MFNG: variants seen among roughly 807,000 people sequenced by gnomAD.
MFNG encodes MFNG O-fucosylpeptide 3-beta-N-acetylglucosaminyltransferase.
Under a neutral mutation model 34.2 loss-of-function variants are expected in MFNG, and 24 were observed. The observed-to-expected ratio is 0.70, with a 90% CI of 0.51 to 0.99. The LOEUF is 0.99. Ranked by LOEUF, MFNG falls within the 50% of genes least tolerant of loss-of-function variation. The probability of loss-of-function intolerance (pLI) is 0.00; values close to 1 mark genes in which losing one functional copy is unlikely to be tolerated. For synonymous variants in MFNG, 158 were observed against 179.2 expected, an observed-to-expected ratio of 0.88 and a Z score of 0.94; for missense variants, 383 against 424.0, an observed-to-expected ratio of 0.90 and a Z score of 0.85.
In MFNG at chr22:37,480,733, G is replaced by A; in HGVS notation, c.292C>T (p.Gln98Ter). Residue 98 changes from glutamine to a stop codon, truncating the protein, a stop_gained, in exon 2 of 8, where the codon CAG (glutamine) becomes TAG (stop). Coordinates refer to ENST00000356998, the MANE Select transcript of MFNG (RefSeq NM_002405.4). LOFTEE classifies it high-confidence loss of function. ...VFTDSPDKGLQERLGSHLVVT... is the reference protein window; with the variant it reads ...VFTDSPDKGL The stretch of plus-strand genomic sequence containing the variant: ...CGGGCAGAGTTACCCAGTCTCTCCT[G>A]GAGGCCTTTGTCTGGGCTGTCGGTG... The A allele has an allele frequency of 4.3e-6, 7 of 1,613,666 alleles. No individual in the cohort carries two copies. The highest frequency in any genetic ancestry group is 5.1e-6 in the Non-Finnish European group (6 of 1,179,790).
chr22:37,485,845 C>G lies in MFNG; in HGVS notation c.255+78G>C. Reference sequence around the variant, plus strand: ...CTTCTCCCATGAGGCAGTCAGGGACCCCAGCCCAGTAGAAAGGCCTCTGAG... The same window carrying G: ...CTTCTCCCATGAGGCAGTCAGGGACGCCAGCCCAGTAGAAAGGCCTCTGAG... On this transcript the variant is annotated intron_variant, in intron 1 of 7. Transcript: ENST00000356998. The surrounding 1 kb of genome is among the most constrained non-coding windows in gnomAD (Gnocchi z 5.3). 6.6e-7 allele frequency: 1 copy of G among 1,508,568 alleles called. No individual in the cohort carries two copies. Among genetic ancestry groups the G allele is most frequent in the South Asian group, 1.3e-5 (1 of 77,034 alleles). 93.4% of individuals were successfully genotyped at this position (1,508,568 alleles called of 1,614,324 possible). A position where few individuals can be genotyped will look rare whatever the true frequency, so the allele number is the denominator to read the frequency against.
chr22:37,472,016 TAA>T (rs1921828336), intron 7 of MFNG, among the ~76,000 whole-genome samples: 1 of 151,862 alleles, frequency 6.6e-6, no homozygotes, highest in South Asian at 2.1e-4. Context: ...TTTACCTGCC[TAA>T]AAGAAGCATT....
At chr22:37,474,022 C>G (rs568405538) in intron 6 of MFNG, among the ~76,000 whole-genome samples, 17 of 152,264 alleles carry the variant, frequency 1.1e-4, no homozygotes, top group African/African-American at 3.4e-4. Context: ...GAGCGTCCCC[C>G]CAAAGACCCA....
intron 1 of MFNG, 35 bp from the exon 2 acceptor site, chr22:37,480,804 G>A (rs377610947): frequency 1.0e-5 from 16 of 1,601,766 alleles, no homozygotes; most frequent in East Asian, 6.7e-5. Context: ...GACTCACATC[G>A]GCCCAAGGGA....
In MFNG at chr22:37,479,406, A is replaced by G. The variant is rs772641442; in HGVS notation, c.500T>C (p.Val167Ala). The G allele has an allele frequency of 1.2e-6, 2 of 1,609,172 alleles. No individual in the cohort carries two copies. The highest frequency in any genetic ancestry group is 2.2e-5 in the South Asian group (2 of 90,376). ...GGGCCGGTTCAGGCTGGGCCTTCCCACATAGACGTCGCGGGCCAGCGGGAA... is the reference window on the plus strand; with the variant it reads ...GGGCCGGTTCAGGCTGGGCCTTCCCGCATAGACGTCGCGGGCCAGCGGGAA... ...RAFPLARDVY[V>A]GRPSLNRPIH... is the part of the protein sequence containing the mutation. Residue 167 changes from valine (V) to alanine (A), a missense_variant, in exon 4 of 8, where the codon GTG becomes GCG. Coordinates refer to ENST00000356998, the MANE Select transcript of MFNG (RefSeq NM_002405.4).
In MFNG at chr22:37,483,118, C is replaced by G. The variant is rs944807813; in HGVS notation, c.256-2349G>C. On this transcript the variant is annotated intron_variant, in intron 1 of 7. Transcript: ENST00000356998. The surrounding 1 kb of genome is among the most constrained non-coding windows in gnomAD (Gnocchi z 4.5). ...CCCCAAGACCTGCTCCTCCCTCTCA[C>G]TGGTTGGGACCCAAAACCTCAGACT... Among the ~76,000 whole-genome samples the G allele has an allele frequency of 6.6e-6, 1 of 152,196 alleles. No homozygotes were observed. The highest frequency in any genetic ancestry group is 1.5e-5 in the Non-Finnish European group (1 of 68,024).
Position 37,478,232 on chromosome 22 carries a change from C to T in MFNG, c.561+1113G>A, listed in dbSNP as rs143369029. Among the ~76,000 whole-genome samples, 172 of 152,220 alleles carry T rather than the reference C, an allele frequency of 1.1e-3. 1 individual carries two copies. Among genetic ancestry groups the T allele is most frequent in the African/African-American group, 3.9e-3 (161 of 41,534 alleles). Reference sequence around the variant, plus strand: ...GGACCTGGGAAGGGAGGTTGAGCCCCGCTGTGTGCCCAGCTCCTGCACCAG... The same window carrying T: ...GGACCTGGGAAGGGAGGTTGAGCCCTGCTGTGTGCCCAGCTCCTGCACCAG... On this transcript the variant is annotated intron_variant, in intron 4 of 7. Transcript: ENST00000356998.
chr22:37,480,878 G>C, intron 1 of MFNG, 109 bp from the exon 2 acceptor site: 1 of 904,622 alleles, frequency 1.1e-6, no homozygotes, highest in Non-Finnish European at 1.8e-6. Context: ...CTCCTCCAGT[G>C]ACAGACACAC....
chr22:37,480,245 G>T lies in MFNG; in HGVS notation c.359C>A (p.Ser120Tyr), dbSNP rs1298901724. The T allele has an allele frequency of 6.2e-7, 1 of 1,613,402 alleles. No homozygotes were observed. Among genetic ancestry groups the T allele is most frequent in the Non-Finnish European group, 8.5e-7 (1 of 1,179,460 alleles). ...CSAEHSHPAL[S>Y]CKMAAEFDTF... ...GTCGAACTCAGCAGCCATCTTGCAGGACAGAGCTGGGTGGCTGTGTTCCGC... is the reference window on the plus strand; with the variant it reads ...GTCGAACTCAGCAGCCATCTTGCAGTACAGAGCTGGGTGGCTGTGTTCCGC... The change falls in exon 3 of 8, where the codon TCC becomes TAC. Residue 120 changes from serine to tyrosine, a missense_variant. Transcript: ENST00000356998.
chr22:37,472,038 C>T lies in MFNG; in HGVS notation c.899+405G>A, dbSNP rs1376386667. 3.9e-5 allele frequency among the ~76,000 whole-genome samples: 6 copies of T among 151,922 alleles called. No individual in the cohort carries two copies. The East Asian group carries it at 1.2e-3, about 29-fold the overall frequency. On this transcript the variant is annotated intron_variant, in intron 7 of 7. Coordinates refer to ENST00000356998, the MANE Select transcript of MFNG (RefSeq NM_002405.4). ...GCCTAAAAGAAGCATTTAAGAGTAT[C>T]AAAGAAACAAGGAGTCCAAAAGAGA...
intron 6 of MFNG, among the ~76,000 whole-genome samples, chr22:37,472,939 T>A (rs1016074228): frequency 6.6e-5 from 10 of 152,058 alleles, no homozygotes; most frequent in African/African-American, 2.4e-4. Context: ...ACGACATGGA[T>A]CATGATTTCA....
intron 4 of MFNG, among the ~76,000 whole-genome samples, chr22:37,478,841 GC>G (rs1922157155): frequency 1.3e-5 from 2 of 152,164 alleles, no homozygotes; most frequent in Admixed American, 1.3e-4. Flanking sequence ...ACCATGCCCA[GC>G]TAATTTTTGT....
intron 7 of MFNG, among the ~76,000 whole-genome samples, chr22:37,470,965 A>G (rs1921778183): frequency 6.6e-6 from 1 of 151,540 alleles, no homozygotes; most frequent in South Asian, 2.1e-4. Context: ...CTCCTAGCGA[A>G]CTCCTGCTAG....
chr22:37,477,710 A>AC (rs1922104772), intron 4 of MFNG, among the ~76,000 whole-genome samples: 1 of 152,154 alleles, frequency 6.6e-6, no homozygotes, highest in Non-Finnish European at 1.5e-5. Context: ...TCGGCCTCCC[A>AC]AAGTGCTGGG....
chr22:37,470,607 G>C (rs1219456907), intron 7 of MFNG, among the ~76,000 whole-genome samples: 2 of 152,150 alleles, frequency 1.3e-5, no homozygotes, highest in African/African-American at 4.8e-5. Flanking sequence ...TTCCTATATC[G>C]AGCCAAATTC....
rs1922340210 is a variant in MFNG at position 37,482,460 on chromosome 22, T to TACACACACACACACACACACGCAC, written c.256-1715_256-1692dup. Among the ~76,000 whole-genome samples the TACACACACACACACACACACGCAC allele has an allele frequency of 6.7e-6, 1 of 148,530 alleles. No homozygotes were observed. The highest frequency in any genetic ancestry group is 1.5e-5 in the Non-Finnish European group (1 of 66,738). ...ACACACACGCACACACACGCACGCA[T>TACACACACACACACACACACGCAC]ACACACACACACACACACACGCACG... is the stretch of plus-strand genomic sequence containing the variant. On this transcript the variant is annotated intron_variant, in intron 1 of 7. Transcript: ENST00000356998. This position sits in a 1 kb window ranked among gnomAD's most constrained non-coding sequence, Gnocchi z 4.1.
chr22:37,478,367 G>A (rs767655724), intron 4 of MFNG, among the ~76,000 whole-genome samples: 1 of 152,194 alleles, frequency 6.6e-6, no homozygotes, highest in Non-Finnish European at 1.5e-5. Flanking sequence ...TGGGGACAGG[G>A]AGAGAACCAT....
At position 37,470,013 on chromosome 22, in the gene MFNG, A is replaced by G. The variant is rs146713035; in HGVS notation, c.916T>C (p.Cys306Arg). Residue 306 changes from cysteine to arginine, a missense_variant, in exon 8 of 8, where the codon TGT becomes CGT. Transcript: ENST00000356998. ...EDPSRFRSLHCLLYPDTPWCP... is the reference protein window; with the variant it reads ...EDPSRFRSLHRLLYPDTPWCP... ...CAGGGTGTATCTGGATAGAGCAGAC[A>G]ATGGAGGGAGCGAAATCTGCAGAGA... 1 of 1,608,630 alleles carries G rather than the reference A, an allele frequency of 6.2e-7. No individual in the cohort carries two copies. Among genetic ancestry groups the G allele is most frequent in the Non-Finnish European group, 8.5e-7 (1 of 1,177,236 alleles).
intron 7 of MFNG, among the ~76,000 whole-genome samples, chr22:37,470,660 G>A (rs886382861): frequency 1.8e-4 from 27 of 152,160 alleles, no homozygotes; most frequent in Admixed American, 3.3e-4. Flanking sequence ...AGCCTTGGCC[G>A]CAAGGGCCCT....
Sources: gnomAD v4.1 joint callset for allele counts (sites outside exome capture counted in the v4.1 genomes callset) on GRCh38, gnomAD v4.1.1 for gene constraint, Gnocchi (gnomAD v3.1) non-coding constraint, MANE v1.5 for transcripts, NCBI Gene and HGNC (gene_info 2026-07-23, HGNC 2026-07-21) for gene names.